The following CSMD3 variants were observed in gnomAD, a reference collection of about 807,000 sequenced individuals.
CSMD3 encodes the protein CUB and sushi domain-containing protein 3.
CSMD3 carries 177 observed loss-of-function variants against 435.2 expected under a neutral mutation model. That is an observed-to-expected ratio of 0.41 (90% confidence interval 0.36 to 0.46). CSMD3 has a LOEUF of 0.46. CSMD3 is among the 20% of genes least tolerant of loss of function. The pLI is 0.34. For missense variants in CSMD3, 4,265 were observed against 4,504.6 expected (o/e 0.95, Z 1.52); for synonymous variants, 1,656 against 1,520.5 (o/e 1.09, Z -2.07).
intron 54 of CSMD3, 101 bp downstream of exon 54, chr8:112,295,732 A>C: frequency 1.0e-6 from 1 of 980,000 alleles, no homozygotes; most frequent in Non-Finnish European, 1.6e-6. Context: ...CTTTATATTG[A>C]TATATATAAC....
intron 28 of CSMD3, among the ~76,000 whole-genome samples, chr8:112,514,380 AACC>A (rs1400795628): frequency 6.6e-6 from 1 of 152,174 alleles, no homozygotes; most frequent in Non-Finnish European, 1.5e-5. Context: ...TTGCCCATCT[AACC>A]ATAAAGCATT....
chr8:113,043,165 T>C, intron 5 of CSMD3, among the ~76,000 whole-genome samples: 1 of 152,200 alleles, frequency 6.6e-6, no homozygotes, highest in Non-Finnish European at 1.5e-5. Flanking sequence ...ACATACATAA[T>C]AGGTCACCCT....
chr8:113,285,460 C>T (rs1202267203), intron 2 of CSMD3, among the ~76,000 whole-genome samples: 1 of 151,990 alleles, frequency 6.6e-6, no homozygotes, highest in Non-Finnish European at 1.5e-5. Context: ...GGGGTTTCAC[C>T]GTGTTAGCCA....
In CSMD3 at chr8:112,537,728, T is replaced by TA. The variant is rs976029837; in HGVS notation, c.4564+12942dup. On this transcript the variant is annotated intron_variant, in intron 27 of 70. Transcript: ENST00000297405. ...ATAACAAGTAATGAGTTCAAAGTAGTAAAAAAAAAAAGTCCCCCATCAATA... is the reference window on the plus strand; with the variant it reads ...ATAACAAGTAATGAGTTCAAAGTAGTAAAAAAAAAAAAGTCCCCCATCAATA... Among the ~76,000 whole-genome samples, 172 of 145,792 alleles carry TA rather than the reference T, an allele frequency of 1.2e-3. 1 individual carries two copies. The highest frequency in any genetic ancestry group is 3.1e-3 in the African/African-American group (123 of 40,046).
At chr8:113,325,804 A>T (rs921411601) in intron 1 of CSMD3, among the ~76,000 whole-genome samples, 1 of 152,196 alleles carries the variant, frequency 6.6e-6, no homozygotes, top group Non-Finnish European at 1.5e-5. Context: ...TGAATGTGTC[A>T]TAATTCCAAT....
chr8:113,086,547 C>A (rs560294547), intron 5 of CSMD3, among the ~76,000 whole-genome samples: 2 of 152,062 alleles, frequency 1.3e-5, no homozygotes, highest in South Asian at 4.2e-4. Context: ...GAGCTTTTGA[C>A]TTGTGTAATT....
At chr8:112,954,940 A>G (rs1007854929) in intron 7 of CSMD3, among the ~76,000 whole-genome samples, 179 bp from the exon 8 acceptor site, 1 of 151,672 alleles carries the variant, frequency 6.6e-6, no homozygotes, top group African/African-American at 2.4e-5. Flanking sequence ...GTAAAATACT[A>G]AGCAGTGTAG....
At position 112,337,606 on chromosome 8, in the gene CSMD3, A is replaced by C; in HGVS notation, c.6778T>G (p.Ser2260Ala). ...ACTCCGTGAAGGCATGTGAGAGCTG[A>C]ATTTCCAATTAATGTGTATCCTGGG... Reference protein sequence around the residue: ...CFPGYTLIGNSALTCLHGVSR... With the variant: ...CFPGYTLIGNAALTCLHGVSR... Residue 2260 changes from serine to alanine, a missense_variant, in exon 43 of 71, where the codon TCA becomes GCA. Physicochemically the swap from Ser to Ala is moderately conservative, Grantham distance 99. This residue lies in a region of CSMD3 where 3,255 missense variants were observed against 3,380.2 expected (regional missense o/e 0.96). Transcript: ENST00000297405. The C allele has an allele frequency of 6.2e-7, 1 of 1,613,884 alleles. No individual in the cohort carries two copies. Among genetic ancestry groups the C allele is most frequent in the East Asian group, 2.2e-5 (1 of 44,856 alleles).
At chr8:113,046,578 C>T (rs182204888) in intron 5 of CSMD3, among the ~76,000 whole-genome samples, 25 of 152,288 alleles carry the variant, frequency 1.6e-4, no homozygotes, top group Admixed American at 1.3e-3. Flanking sequence ...ACTGTCAAGG[C>T]CTCTCCTGGA....
intron 1 of CSMD3, among the ~76,000 whole-genome samples, chr8:113,421,900 C>T (rs1224282821): frequency 1.3e-5 from 2 of 152,068 alleles, no homozygotes; most frequent in South Asian, 2.1e-4. Context: ...TATCCATTTG[C>T]CCAAGGACAG....
At chr8:113,123,821 T>C (rs1298717736) in intron 4 of CSMD3, among the ~76,000 whole-genome samples, 2 of 152,004 alleles carry the variant, frequency 1.3e-5, no homozygotes, top group African/African-American at 2.4e-5. Context: ...TTATCTTGAA[T>C]TCAGATCTGT....
chr8:112,786,009 A>G (rs2078528852), intron 13 of CSMD3, among the ~76,000 whole-genome samples: 1 of 152,132 alleles, frequency 6.6e-6, no homozygotes, highest in Non-Finnish European at 1.5e-5. Context: ...GAGGAATCAC[A>G]TTACTTGACT....
intron 13 of CSMD3, among the ~76,000 whole-genome samples, chr8:112,708,665 TA>T (rs1167742088): frequency 6.8e-6 from 1 of 147,236 alleles, no homozygotes; most frequent in Admixed American, 6.8e-5. Context: ...TTTTTTTTTT[TA>T]ATCTGAAGGA....
At chr8:112,447,598 T>C (rs1815749587) in intron 32 of CSMD3, among the ~76,000 whole-genome samples, 1 of 152,180 alleles carries the variant, frequency 6.6e-6, no homozygotes, top group South Asian at 2.1e-4. Flanking sequence ...TGGATATTTG[T>C]TTTAGGCTCT....
intron 11 of CSMD3, among the ~76,000 whole-genome samples, chr8:112,847,269 C>T (rs774602807): frequency 3.9e-5 from 6 of 152,158 alleles, no homozygotes; most frequent in Non-Finnish European, 5.9e-5. Context: ...TGTCTCTAAA[C>T]GTGTATAGCT....
At chr8:113,430,205 C>T (rs922467) in intron 1 of CSMD3, among the ~76,000 whole-genome samples, 81,294 of 151,878 alleles carry the variant, frequency 0.54, 22,113 homozygotes, top group Admixed American at 0.68. Context: ...TTATTTACTG[C>T]TATGGAAAAG....
At chr8:112,473,619 G>A (rs910448792) in intron 31 of CSMD3, among the ~76,000 whole-genome samples, 2 of 151,838 alleles carry the variant, frequency 1.3e-5, no homozygotes, top group Non-Finnish European at 2.9e-5. Flanking sequence ...GGTAAATGTT[G>A]CAAAGTGATT....
chr8:112,692,228 T>G (rs1403018077), intron 13 of CSMD3, among the ~76,000 whole-genome samples: 1 of 152,102 alleles, frequency 6.6e-6, no homozygotes, highest in Non-Finnish European at 1.5e-5. Context: ...ATCTTAGAAC[T>G]TTTTTAGTAT....
At chr8:112,634,774 C>T (rs2074610399) in intron 22 of CSMD3, among the ~76,000 whole-genome samples, 2 of 151,238 alleles carry the variant, frequency 1.3e-5, no homozygotes, top group Non-Finnish European at 2.9e-5. Flanking sequence ...TATGTAACGG[C>T]CTGGCATGTA....
Sources: allele counts gnomAD v4.1 joint callset (sites outside exome capture counted in the v4.1 genomes callset), GRCh38; gene constraint gnomAD v4.1.1; regional missense constraint gnomAD v4.1.1; transcripts MANE v1.5; gene names NCBI Gene and HGNC (gene_info 2026-07-23, HGNC 2026-07-21).